Variants in STOX2 observed in about 807,000 individuals in gnomAD.
STOX2 encodes storkhead-box protein 2.
Under a neutral mutation model 60.9 loss-of-function variants are expected in STOX2, and 28 were observed. That is an observed-to-expected ratio of 0.46 (90% CI 0.34 to 0.63). The LOEUF is 0.63. STOX2 is among the 30% of genes least tolerant of loss of function. STOX2 has a pLI of 0.01. For synonymous variants in STOX2, 472 were observed against 463.9 expected (o/e 1.02, Z -0.22); for missense variants, 1,024 against 1,187.7 (o/e 0.86, Z 2.03).
At chr4:183,894,837 C>T (rs1411127906) in intron 1 of STOX2, among the ~76,000 whole-genome samples, 1 of 152,192 alleles carries the variant, frequency 6.6e-6, no homozygotes, top group Non-Finnish European at 1.5e-5. Context: ...CTCTCTCGGT[C>T]TCTTGCACCA....
chr4:183,840,995 G>A (rs926955227), intron 1 of STOX2, among the ~76,000 whole-genome samples: 1 of 152,122 alleles, frequency 6.6e-6, no homozygotes, highest in African/African-American at 2.4e-5. Flanking sequence ...AGCCTCCTGA[G>A]TAGCTGGGAT....
chr4:183,922,350 CTT>C (rs578015913), intron 1 of STOX2, among the ~76,000 whole-genome samples: 21 of 142,740 alleles, frequency 1.5e-4, no homozygotes, highest in Admixed American at 2.1e-4. Context: ...ACCATCTTAA[CTT>C]TTTTTTTTTT....
At position 183,826,137 on chromosome 4, in the gene STOX2, C is replaced by A. The variant is rs59159211; in HGVS notation, c.364+28082C>A. Among the ~76,000 whole-genome samples, 545 of 152,236 alleles carry A rather than the reference C, an allele frequency of 3.6e-3. 1 individual carries two copies. The highest frequency in any genetic ancestry group is 0.013 in the African/African-American group (527 of 41,550). On this transcript the variant is annotated intron_variant, in intron 1 of 2. Transcript: ENST00000513034. Reference sequence around the variant, plus strand: ...GGAGTGGGGCTGGGGACCTGCATTTCGTTTTCATTTCGCTCCTCAGATGAT... The same window carrying A: ...GGAGTGGGGCTGGGGACCTGCATTTAGTTTTCATTTCGCTCCTCAGATGAT...
At chr4:183,900,052 T>C (rs893467523) in intron 1 of STOX2, among the ~76,000 whole-genome samples, 3 of 152,216 alleles carry the variant, frequency 2.0e-5, no homozygotes, top group Non-Finnish European at 2.9e-5. Flanking sequence ...TTATGCTCTA[T>C]AAATGGAACA....
At chr4:183,877,667 T>TTCG (rs1389029941) in intron 1 of STOX2, among the ~76,000 whole-genome samples, 49 of 152,130 alleles carry the variant, frequency 3.2e-4, no homozygotes, top group Middle Eastern at 3.4e-3. Flanking sequence ...ATGCCGCACT[T>TTCG]CCGCTGCTGC....
intron 1 of STOX2, among the ~76,000 whole-genome samples, chr4:183,869,473 A>T (rs576954940): frequency 2.3e-4 from 35 of 152,322 alleles, no homozygotes; most frequent in East Asian, 1.7e-3. Flanking sequence ...TATTTTTATT[A>T]TCTGAGGTGA....
intron 1 of STOX2, among the ~76,000 whole-genome samples, chr4:183,811,070 G>T (rs915052946): frequency 2.0e-5 from 3 of 152,150 alleles, no homozygotes; most frequent in African/African-American, 7.2e-5. Flanking sequence ...TTTTGCTAAA[G>T]TGATTTTACA....
At chr4:183,981,335 G>A (rs546768636) in intron 1 of STOX2, among the ~76,000 whole-genome samples, 1 of 152,070 alleles carries the variant, frequency 6.6e-6, no homozygotes, top group Non-Finnish European at 1.5e-5. Context: ...CGTCTTCACA[G>A]TAGAATCTAA....
At chr4:183,957,326 G>A (rs1350168158) in intron 1 of STOX2, among the ~76,000 whole-genome samples, 1 of 151,936 alleles carries the variant, frequency 6.6e-6, no homozygotes, top group Non-Finnish European at 1.5e-5. Flanking sequence ...TTGATATTTT[G>A]AGGCTGTATG....
intron 1 of STOX2, among the ~76,000 whole-genome samples, chr4:183,974,372 C>T (rs114468357): frequency 0.054 from 8,204 of 151,938 alleles, 281 homozygotes; most frequent in African/African-American, 0.095. Context: ...TAAATTTCAA[C>T]GTATAACTAA....
intron 1 of STOX2, among the ~76,000 whole-genome samples, chr4:183,839,610 C>A (rs1187124409): frequency 1.3e-5 from 2 of 152,166 alleles, no homozygotes; most frequent in African/African-American, 4.8e-5. Context: ...GTTACTGTGA[C>A]TGTGTGCAAG....
chr4:184,006,815 A>G (rs191016190), intron 2 of STOX2, among the ~76,000 whole-genome samples: 2,007 of 151,286 alleles, frequency 0.013, 28 homozygotes, highest in Admixed American at 0.036. Context: ...AGCAGATCGA[A>G]ACCATCCCGG....
chr4:183,882,121 T>A (rs1157165859), intron 1 of STOX2, among the ~76,000 whole-genome samples: 1 of 152,240 alleles, frequency 6.6e-6, no homozygotes, highest in Non-Finnish European at 1.5e-5. Context: ...CTCACTGTTC[T>A]GGAAAATCAC....
intron 2 of STOX2, among the ~76,000 whole-genome samples, chr4:184,002,013 T>G (rs539504158): frequency 6.6e-6 from 1 of 152,346 alleles, no homozygotes; most frequent in East Asian, 1.9e-4. Context: ...TGAGAGGCAT[T>G]TGACGCTTTC....
chr4:183,833,710 C>T (rs1471480080), intron 1 of STOX2, among the ~76,000 whole-genome samples: 5 of 150,516 alleles, frequency 3.3e-5, no homozygotes, highest in Admixed American at 2.0e-4. Flanking sequence ...GGGCCGGGCG[C>T]GGTGGCTCAC....
intron 1 of STOX2, among the ~76,000 whole-genome samples, chr4:183,861,444 C>T (rs1333272633): frequency 6.6e-6 from 1 of 152,204 alleles, no homozygotes; most frequent in South Asian, 2.1e-4. Context: ...GAGCTTTCAG[C>T]CTCTCAGCCT....
intron 1 of STOX2, among the ~76,000 whole-genome samples, chr4:183,971,390 G>A (rs893266575): frequency 1.6e-4 from 24 of 152,344 alleles, no homozygotes; most frequent in African/African-American, 5.8e-4. Context: ...TAATGATCTG[G>A]TCTGTGGGTC....
chr4:183,878,040 T>G (rs553440412), intron 1 of STOX2, among the ~76,000 whole-genome samples: 1 of 152,278 alleles, frequency 6.6e-6, no homozygotes, highest in Admixed American at 6.5e-5. Flanking sequence ...CAACAGTATC[T>G]TGAGGTAAGA....
rs1161027635 is a variant in STOX2, at chr4:183,963,677, C to T, written c.167-37648C>T. Among the ~76,000 whole-genome samples the T allele has an allele frequency of 2.6e-5, 4 of 151,956 alleles. No individual in the cohort carries two copies. In the East Asian group the frequency reaches 5.8e-4, roughly 22 times the overall value. ...CTGACCTCAGGTGATCCGCCTGCCT[C>T]GGCCTCCCAAAGTGCTGGGATTACA... On this transcript the variant is annotated intron_variant, in intron 1 of 3. Transcript: ENST00000308497.
Sources: allele counts gnomAD v4.1 joint callset (sites outside exome capture counted in the v4.1 genomes callset), GRCh38; gene constraint gnomAD v4.1.1; transcripts MANE v1.5; gene names NCBI Gene and HGNC (gene_info 2026-07-23, HGNC 2026-07-21).